The following ADAMTS19 variants were observed in gnomAD, a reference collection of about 807,000 sequenced individuals.
The protein encoded by ADAMTS19 is ADAM metallopeptidase with thrombospondin type 1 motif 19.
In ADAMTS19, 93 loss-of-function variants were observed where a neutral mutation model predicts 153.3. That is an observed-to-expected ratio of 0.61 (90% CI 0.51 to 0.72). The LOEUF (loss-of-function observed/expected upper bound fraction) is 0.72. ADAMTS19 is among the 30% of genes least tolerant of loss of function. ADAMTS19 has a pLI of 0.00. For synonymous variants in ADAMTS19, 600 were observed against 556.6 expected (o/e 1.08, Z -1.10); for missense variants, 1,482 against 1,552.1 (o/e 0.95, Z 0.76).
At position 129,737,292 on chromosome 5, in the gene ADAMTS19, C is replaced by G; in HGVS notation, c.*74C>G. 7.6e-7 allele frequency: 1 copy of G among 1,316,540 alleles called. No individual in the cohort carries two copies. The highest frequency in any genetic ancestry group is 2.9e-5 in the Admixed American group (1 of 35,060). The allele number at this position is 1,316,540 out of a possible 1,614,324, so 81.6% of individuals were successfully genotyped here. A position where few individuals can be genotyped will look rare whatever the true frequency, so the allele number is the denominator to read the frequency against. On this transcript the variant is annotated 3_prime_UTR_variant, in exon 23 of 23. Coordinates refer to ENST00000274487, the MANE Select transcript of ADAMTS19 (RefSeq NM_133638.6). ...TAAACACACACACTAGCATGTTTTT[C>G]AGACCAAATATTATCAGATTACATA...
chr5:129,570,736 T>A (rs1250390888), intron 7 of ADAMTS19, among the ~76,000 whole-genome samples: 2 of 151,956 alleles, frequency 1.3e-5, no homozygotes, highest in Non-Finnish European at 2.9e-5. Context: ...CAAGTGGGGC[T>A]TATCTCAGGA....
At chr5:129,629,994 G>A (rs1473384050) in intron 10 of ADAMTS19, among the ~76,000 whole-genome samples, 1 of 152,060 alleles carries the variant, frequency 6.6e-6, no homozygotes, top group African/African-American at 2.4e-5. Flanking sequence ...CTGTCTTTGT[G>A]AACTAGGCAC....
At chr5:129,516,536 T>C (rs1005187237) in intron 3 of ADAMTS19, among the ~76,000 whole-genome samples, 1 of 151,846 alleles carries the variant, frequency 6.6e-6, no homozygotes, top group African/African-American at 2.4e-5. Flanking sequence ...AGGTTGTATA[T>C]ATCTAGGAAT....
At chr5:129,567,765 G>A (rs1321823617) in intron 7 of ADAMTS19, among the ~76,000 whole-genome samples, 1 of 151,862 alleles carries the variant, frequency 6.6e-6, no homozygotes, top group Non-Finnish European at 1.5e-5. Flanking sequence ...AAAAAAATAT[G>A]ACTGAAGACT....
intron 21 of ADAMTS19, among the ~76,000 whole-genome samples, chr5:129,721,007 C>T (rs551745483): frequency 2.0e-5 from 3 of 152,280 alleles, no homozygotes; most frequent in African/African-American, 7.2e-5. Context: ...TATGTATAAG[C>T]CTTGAAGAAC....
chr5:129,650,036 T>C (rs1753245943), intron 13 of ADAMTS19, among the ~76,000 whole-genome samples: 1 of 152,032 alleles, frequency 6.6e-6, no homozygotes, highest in Non-Finnish European at 1.5e-5. Context: ...AAAAAAAAAT[T>C]AGCTGGGTGT....
At chr5:129,658,576 A>T in intron 14 of ADAMTS19, 41 bp from the exon 15 acceptor site, 4 of 1,594,220 alleles carry the variant, frequency 2.5e-6, no homozygotes, top group Non-Finnish European at 3.4e-6. Context: ...ACAAGAAAAG[A>T]ATACTGCTAT....
At chr5:129,585,646 C>T (rs1271777026) in intron 7 of ADAMTS19, among the ~76,000 whole-genome samples, 2 of 151,932 alleles carry the variant, frequency 1.3e-5, no homozygotes, top group Admixed American at 6.6e-5. Flanking sequence ...CCTGCATTTC[C>T]GTGTTTCAAT....
chr5:129,591,602 C>A (rs1463743454), intron 7 of ADAMTS19, among the ~76,000 whole-genome samples: 5 of 151,790 alleles, frequency 3.3e-5, no homozygotes, highest in African/African-American at 1.2e-4. Context: ...CAAAGTCACA[C>A]TCCCAAAGTC....
intron 14 of ADAMTS19, among the ~76,000 whole-genome samples, chr5:129,658,379 A>AGAGAGAGAGAG (rs1324387573): frequency 3.7e-5 from 5 of 135,912 alleles, no homozygotes; most frequent in African/African-American, 1.6e-4. Context: ...GAGAGAGAGG[A>AGAGAGAGAGAG]AGGAAGGAAG....
At chr5:129,714,402 G>T (rs1305426896) in intron 21 of ADAMTS19, among the ~76,000 whole-genome samples, 5 of 142,740 alleles carry the variant, frequency 3.5e-5, no homozygotes, top group African/African-American at 1.3e-4. Flanking sequence ...GTCCGGCCTG[G>T]GCGACAGAGC....
chr5:129,461,908 G>A lies in ADAMTS19; in HGVS notation c.747+151G>A. ...GCACCCCCAGGTGTCTACATCGTTT[G>A]CCTCCCATGGAACATCTCCAGGGCA... On this transcript the variant is annotated intron_variant, in intron 2 of 22. Coordinates refer to ENST00000274487, the MANE Select transcript of ADAMTS19 (RefSeq NM_133638.6). The surrounding 1 kb of genome is among the most constrained non-coding windows in gnomAD (Gnocchi z 4.6). 1.7e-6 allele frequency: 2 copies of A among 1,196,858 alleles called. No homozygotes were observed. The highest frequency in any genetic ancestry group is 2.2e-6 in the Non-Finnish European group (2 of 922,792). 74.1% of individuals were successfully genotyped at this position (1,196,858 alleles called of 1,614,324 possible). A position where few individuals can be genotyped will look rare whatever the true frequency, so the allele number is the denominator to read the frequency against.
rs199722006 is a variant in ADAMTS19 at position 129,701,463 on chromosome 5, C to T, written c.3030C>T (p.Thr1010=). 16 of 1,614,196 alleles carry T rather than the reference C, an allele frequency of 9.9e-6. No homozygotes were observed. The South Asian group carries it at 1.3e-4, about 13-fold the overall frequency. Residue 1010 remains threonine, a synonymous_variant, in exon 20 of 23, where the codon ACC becomes ACT. Transcript: ENST00000274487. ...KGMQSRQVAC[T]QQLSNGTLIR... ...TGCAGAGCAGACAAGTGGCCTGTAC[C>T]CAACAACTGAGCAATGGAACACTGA...
intron 6 of ADAMTS19, among the ~76,000 whole-genome samples, chr5:129,533,840 A>G (rs1315900437): frequency 1.3e-5 from 2 of 151,454 alleles, no homozygotes; most frequent in Non-Finnish European, 2.9e-5. Context: ...TTCTGCCTTC[A>G]TTTCGTTATG....
intron 20 of ADAMTS19, 107 bp downstream of exon 20, chr5:129,701,699 T>C (rs1188845755): frequency 1.7e-6 from 2 of 1,187,376 alleles, no homozygotes; most frequent in African/African-American, 1.7e-5. Context: ...TATTTTTCTA[T>C]ACTATTTATT....
At chr5:129,737,027 A>G (rs370528537) in intron 22 of ADAMTS19, 40 bp from the exon 23 acceptor site, 7 of 1,505,558 alleles carry the variant, frequency 4.6e-6, no homozygotes, top group Middle Eastern at 3.6e-4. Flanking sequence ...GACATATATG[A>G]TATCTGCATG....
chr5:129,636,053 C>T (rs1450848937), intron 10 of ADAMTS19, among the ~76,000 whole-genome samples: 4 of 152,184 alleles, frequency 2.6e-5, no homozygotes, highest in African/African-American at 4.8e-5. Context: ...CCTGCCACCA[C>T]GTCTGGTTAA....
chr5:129,545,147 C>T (rs958745399), intron 6 of ADAMTS19, among the ~76,000 whole-genome samples: 1 of 151,448 alleles, frequency 6.6e-6, no homozygotes, highest in Non-Finnish European at 1.5e-5. Context: ...GCATGTCCAC[C>T]TAATTAAAAA....
At chr5:129,734,383 A>T (rs1033689329) in intron 21 of ADAMTS19, among the ~76,000 whole-genome samples, 1 of 151,992 alleles carries the variant, frequency 6.6e-6, no homozygotes, top group Non-Finnish European at 1.5e-5. Context: ...AACATCATCT[A>T]ATCTACCAAG....
Sources: gnomAD v4.1 joint callset for allele counts (sites outside exome capture counted in the v4.1 genomes callset) on GRCh38, gnomAD v4.1.1 for gene constraint, Gnocchi (gnomAD v3.1) non-coding constraint, MANE v1.5 for transcripts, NCBI Gene and HGNC (gene_info 2026-07-23, HGNC 2026-07-21) for gene names.